Variants in KIF27 observed in about 807,000 individuals in gnomAD.
KIF27 encodes kinesin family member 27.
KIF27 carries 84 observed loss-of-function variants against 141.8 expected under a neutral mutation model. That is an observed-to-expected ratio of 0.59 (90% CI 0.50 to 0.71). The LOEUF is 0.71. Among genes scored for constraint, KIF27 ranks in the 30% least tolerant of loss-of-function variants. KIF27 has a pLI of 0.00. For missense variants in KIF27, 1,306 were observed against 1,628.4 expected (o/e 0.80, Z 3.41); for synonymous variants, 471 against 569.5 (o/e 0.83, Z 2.46).
chr9:83,883,937 T>A lies in KIF27; in HGVS notation c.2321A>T (p.Glu774Val). 1 of 1,613,788 alleles carries A rather than the reference T, an allele frequency of 6.2e-7. No homozygotes were observed. The highest frequency in any genetic ancestry group is 8.5e-7 in the Non-Finnish European group (1 of 1,179,728). Reference protein sequence around the residue: ...LEHDAEQAKVELIETQKQLQE... With the variant: ...LEHDAEQAKVVLIETQKQLQE... ...TAGCTGCTTTTGTGTTTCAATCAGT[T>A]CGACTTTTGCCTGTTCTGCATCATG... Residue 774 changes from glutamate (E) to valine (V), a missense_variant, in exon 10 of 18, where the codon GAA (glutamate) becomes GTA (valine). Coordinates refer to ENST00000297814, the MANE Select transcript of KIF27 (RefSeq NM_017576.4).
At chr9:83,848,070 G>GATATATCATATATATCATATATATGAT (rs10622451) in intron 16 of KIF27, among the ~76,000 whole-genome samples, 1 of 43,240 alleles carries the variant, frequency 2.3e-5, no homozygotes, top group Non-Finnish European at 3.9e-5. Context: ...TCATATATAT[G>GATATATCATATATATCATATATATGAT]ATATATGATA....
In KIF27 at chr9:83,879,777, C is replaced by G. The variant is rs560237902; in HGVS notation, c.2643+520G>C. ...CAACTGAGTGAGCTAGGATTTGAAC[C>G]TATGATAGCCTGGTCAAAGAGCCTA... On this transcript the variant is annotated intron_variant, in intron 11 of 17. Coordinates refer to ENST00000297814, the MANE Select transcript of KIF27 (RefSeq NM_017576.4). Among the ~76,000 whole-genome samples, 4 of 152,264 alleles carry G rather than the reference C, an allele frequency of 2.6e-5. No homozygotes were observed. The South Asian group carries it at 8.3e-4, about 32-fold the overall frequency.
chr9:83,912,335 T>C (rs556607730), intron 2 of KIF27, among the ~76,000 whole-genome samples: 31 of 152,368 alleles, frequency 2.0e-4, no homozygotes, highest in African/African-American at 7.0e-4. Context: ...TCAACTTTGA[T>C]GGCTGCCTTT....
intron 12 of KIF27, chr9:83,868,571 C>A (rs1950543957): frequency 6.6e-6 from 1 of 152,028 alleles, no homozygotes; most frequent in Non-Finnish European, 1.5e-5. Context: ...TATGCGGAAA[C>A]AAATACAAAC....
intron 2 of KIF27, among the ~76,000 whole-genome samples, 184 bp from the exon 3 acceptor site, chr9:83,908,836 T>C (rs563477039): frequency 6.6e-6 from 1 of 152,138 alleles, no homozygotes. Context: ...CTCAGCTCAC[T>C]GCAACCTCCG....
chr9:83,863,312 T>C (rs1233022465), intron 13 of KIF27, among the ~76,000 whole-genome samples: 3 of 152,184 alleles, frequency 2.0e-5, no homozygotes, highest in African/African-American at 4.8e-5. Context: ...GGCTGTAGGT[T>C]TGTCATAAAT....
chr9:83,896,560 G>GA (rs1320067699), intron 5 of KIF27, among the ~76,000 whole-genome samples: 2 of 152,056 alleles, frequency 1.3e-5, no homozygotes, highest in Non-Finnish European at 2.9e-5. Context: ...CCATTACTGA[G>GA]AAAAAATAAA....
rs1380824300 is a variant in KIF27 at position 83,901,618 on chromosome 9, T to G, written c.1458+1442A>C. On this transcript the variant is annotated intron_variant, in intron 4 of 17. Transcript: ENST00000297814. ...GGCCGGGTGCGGTGGCTCATGCCTA[T>G]AATCCCAGCACTTTGGGAGGCCGAG... is the stretch of plus-strand genomic sequence containing the variant. 3.3e-5 allele frequency among the ~76,000 whole-genome samples: 5 copies of G among 152,308 alleles called. No individual in the cohort carries two copies. The East Asian group carries it at 9.7e-4, about 29-fold the overall frequency.
chr9:83,877,083 A>G (rs1951261620), intron 11 of KIF27, among the ~76,000 whole-genome samples: 1 of 152,196 alleles, frequency 6.6e-6, no homozygotes, highest in Non-Finnish European at 1.5e-5. Context: ...TCTCAAAAAA[A>G]CAAAATTGTA....
intron 15 of KIF27, among the ~76,000 whole-genome samples, chr9:83,852,156 C>T (rs73463313): frequency 0.14 from 20,217 of 146,868 alleles, 1,440 homozygotes; most frequent in African/African-American, 0.15. Flanking sequence ...AAAGAGTTAT[C>T]TCTATCAGCC....
In KIF27 at chr9:83,887,185, C is replaced by G. The variant is rs1473700057; in HGVS notation, c.2095G>C (p.Asp699His). ...AATTCTTGACTCTCCTGGAGACAAT[C>G]AATCTTTAAATCTTTAAAAAAAAAT... ...SDLENEDLKIDCLQESQELNL... is the reference protein window; with the variant it reads ...SDLENEDLKIHCLQESQELNL... The change falls in exon 9 of 18, where the codon GAT (aspartate) becomes CAT (histidine). Residue 699 changes from aspartate (D) to histidine (H), a missense_variant. Around this residue, in one of 4 missense-constraint regions of KIF27, gnomAD observed 596 missense variants for 751.6 expected, o/e 0.79. Transcript: ENST00000297814. 8 of 1,503,748 alleles carry G rather than the reference C, an allele frequency of 5.3e-6. No homozygotes were observed. Among genetic ancestry groups the G allele is most frequent in the Non-Finnish European group, 7.1e-6 (8 of 1,122,202 alleles). The allele number at this position is 1,503,748 out of a possible 1,614,324, so 93.2% of individuals were successfully genotyped here.
chr9:83,859,032 A>C (rs1301273039), intron 14 of KIF27, 124 bp downstream of exon 14: 4 of 758,914 alleles, frequency 5.3e-6, no homozygotes, highest in Non-Finnish European at 9.0e-6. Flanking sequence ...AACTCACTAC[A>C]TCTGACAAAA....
intron 13 of KIF27, among the ~76,000 whole-genome samples, chr9:83,863,154 G>C (rs1380278989): frequency 6.6e-6 from 1 of 152,076 alleles, no homozygotes; most frequent in Admixed American, 6.6e-5. Flanking sequence ...TTTCCTAACT[G>C]AATACCCTTT....
At chr9:83,884,393 TA>T (rs1951919646) in intron 9 of KIF27, among the ~76,000 whole-genome samples, 1 of 152,174 alleles carries the variant, frequency 6.6e-6, no homozygotes, top group Non-Finnish European at 1.5e-5. Context: ...CTGCTACCAA[TA>T]ATCTGTCTGC....
At chr9:83,902,062 AAAG>A (rs1433527651) in intron 4 of KIF27, among the ~76,000 whole-genome samples, 9 of 152,218 alleles carry the variant, frequency 5.9e-5, no homozygotes, top group African/African-American at 2.2e-4. Flanking sequence ...TTAAAAGTGT[AAAG>A]AAGTCGTCCT....
intron 14 of KIF27, among the ~76,000 whole-genome samples, chr9:83,855,752 G>A (rs1034047406): frequency 1.3e-5 from 2 of 152,188 alleles, no homozygotes; most frequent in African/African-American, 2.4e-5. Flanking sequence ...AATGTTCAGT[G>A]AGGACTTTAC....
rs146702826 is a variant in KIF27, at chr9:83,889,112, A to G, written c.1951T>C (p.Ser651Pro). The G allele has an allele frequency of 1.9e-6, 3 of 1,613,528 alleles. No homozygotes were observed. Among genetic ancestry groups the G allele is most frequent in the Non-Finnish European group, 2.5e-6 (3 of 1,179,670 alleles). Residue 651 changes from serine to proline, a missense_variant, in exon 7 of 18, where the codon TCA (serine) becomes CCA (proline). Around this residue, in one of 4 missense-constraint regions of KIF27, gnomAD observed 596 missense variants for 751.6 expected, o/e 0.79. Coordinates refer to ENST00000297814, the MANE Select transcript of KIF27 (RefSeq NM_017576.4). ...GTTCCAGATTTCTCTTGGCCTTCTGATTCTTCATCATCACTGTTATCAGAA... is the reference window on the plus strand; with the variant it reads ...GTTCCAGATTTCTCTTGGCCTTCTGGTTCTTCATCATCACTGTTATCAGAA... ...QFSDNSDDEE[S>P]EGQEKSGTRC... is the part of the protein sequence containing the mutation.
At chr9:83,866,805 G>A (rs1564334356) in intron 13 of KIF27, among the ~76,000 whole-genome samples, 1 of 151,934 alleles carries the variant, frequency 6.6e-6, no homozygotes, top group Non-Finnish European at 1.5e-5. Flanking sequence ...GAACCCAGGA[G>A]GCAGAGGTTG....
At chr9:83,865,574 G>A (rs1021134142) in intron 13 of KIF27, among the ~76,000 whole-genome samples, 10 of 152,180 alleles carry the variant, frequency 6.6e-5, no homozygotes, top group Non-Finnish European at 1.5e-4. Flanking sequence ...TGGGATTACA[G>A]GTGTGAGCCA....
Sources: gnomAD v4.1 joint callset for allele counts (sites outside exome capture counted in the v4.1 genomes callset) on GRCh38, gnomAD v4.1.1 for gene constraint, gnomAD v4.1.1 regional missense constraint, MANE v1.5 for transcripts, NCBI Gene and HGNC (gene_info 2026-07-23, HGNC 2026-07-21) for gene names.